Variants in ENTPD7 observed in about 807,000 individuals in gnomAD.
ENTPD7 encodes the protein NTPDase 7.
A neutral mutation model predicts 77.9 loss-of-function variants in ENTPD7; 53 were observed. The ratio of observed to expected loss-of-function variants is 0.68; its 90% confidence interval spans 0.55 to 0.85. The LOEUF is 0.85. Ranked by LOEUF, ENTPD7 falls within the 40% of genes least tolerant of loss-of-function variation. The pLI, the probability that ENTPD7 is intolerant of heterozygous loss-of-function variation, is 0.00. For synonymous variants in ENTPD7, 248 were observed against 274.9 expected (o/e 0.90, Z 0.97); for missense variants, 636 against 743.7 (o/e 0.86, Z 1.68).
chr10:99,679,275 T>G lies in ENTPD7; in HGVS notation c.206T>G (p.Val69Gly). ...GCCTGACTTAGGTATTTGGCTCGAG[T>G]AGGGGAGCTTGAAGCTACTGACACT... ...DRQYERYLAR[V>G]GELEATDTED... Residue 69 changes from valine (V) to glycine (G), a missense_variant, in exon 4 of 13, where the codon GTA becomes GGA. By Grantham distance (109) the Val-to-Gly change is moderately radical (BLOSUM62 -3). This residue lies in a region of ENTPD7 where 486 missense variants were observed against 556.5 expected (regional missense o/e 0.87). Transcript: ENST00000370489. The G allele has an allele frequency of 1.2e-6, 2 of 1,614,056 alleles. No homozygotes were observed. Among genetic ancestry groups the G allele is most frequent in the Non-Finnish European group, 1.7e-6 (2 of 1,179,986 alleles).
Position 99,667,396 on chromosome 10 carries a change from G to T in ENTPD7, c.191+5768G>T, listed in dbSNP as rs114858207. On this transcript the variant is annotated intron_variant, in intron 3 of 12. Coordinates refer to ENST00000370489, the MANE Select transcript of ENTPD7 (RefSeq NM_020354.5). ...ACTCAAGGAGTTCGTAATCTAGTTA[G>T]AGAGGCAGGCATAAAGGAAAAATTA... Among the ~76,000 whole-genome samples, 740 of 152,310 alleles carry T rather than the reference G, an allele frequency of 4.9e-3. 2 individuals carry two copies. The highest frequency in any genetic ancestry group is 0.017 in the African/African-American group (725 of 41,556).
At chr10:99,687,289 C>CA (rs1480800148) in intron 6 of ENTPD7, among the ~76,000 whole-genome samples, 9 of 4,356 alleles carry the variant, frequency 2.1e-3, no homozygotes, top group Non-Finnish European at 6.7e-4. Flanking sequence ...TTTTTTGAGA[C>CA]AGAGTCTCGC....
chr10:99,696,002 A>G lies in ENTPD7; in HGVS notation c.890A>G (p.Asp297Gly), dbSNP rs752609712. Residue 297 changes from aspartate (D) to glycine (G), a missense_variant, in exon 9 of 13, where the codon GAT becomes GGT. Asp to Gly is a moderately conservative substitution (Grantham distance 94). Around this residue, in one of 3 missense-constraint regions of ENTPD7, gnomAD observed 486 missense variants for 556.5 expected, o/e 0.87. Transcript: ENST00000370489. Reference protein sequence around the residue: ...ILLAEFNLGCDVQHTEHVYRV... With the variant: ...ILLAEFNLGCGVQHTEHVYRV... The stretch of plus-strand genomic sequence containing the variant: ...CTGGCTGAGTTCAACCTGGGCTGTG[A>G]TGTGCAACACACTGAACACGTGTAC... The G allele has an allele frequency of 6.2e-7, 1 of 1,614,118 alleles. No individual in the cohort carries two copies. Among genetic ancestry groups the G allele is most frequent in the Non-Finnish European group, 8.5e-7 (1 of 1,179,986 alleles).
intron 6 of ENTPD7, among the ~76,000 whole-genome samples, chr10:99,687,255 C>CTTTTTTTTT (rs1564631976): frequency 3.9e-5 from 1 of 25,554 alleles, no homozygotes; most frequent in Non-Finnish European, 8.0e-5. Context: ...TTCTTTCTTT[C>CTTTTTTTTT]TTTCTTTTTT....
chr10:99,705,291 T>C lies in ENTPD7; in HGVS notation c.*608T>C, dbSNP rs903337859. 25 of 155,216 alleles carry C rather than the reference T, an allele frequency of 1.6e-4. No individual in the cohort carries two copies. Among genetic ancestry groups the C allele is most frequent in the Admixed American group, 1.5e-3 (24 of 15,866 alleles). The allele number at this position is 155,216 out of a possible 1,614,324, so 9.6% of individuals were successfully genotyped here. On this transcript the variant is annotated 3_prime_UTR_variant, in exon 13 of 13. Coordinates refer to ENST00000370489, the MANE Select transcript of ENTPD7 (RefSeq NM_020354.5). ...AAGATCCCTGTCGTAGTGTTGATGA[T>C]GTTAGTACATGATTTTAAAGGTTAG...
In ENTPD7 at chr10:99,704,589, G is replaced by A. The variant is rs1013401025; in HGVS notation, c.1721G>A (p.Arg574Gln). 5 of 1,613,994 alleles carry A rather than the reference G, an allele frequency of 3.1e-6. No individual in the cohort carries two copies. Among genetic ancestry groups the A allele is most frequent in the East Asian group, 2.2e-5 (1 of 44,892 alleles). ...TTCCTATACCTTCTGCGGCTACGCC[G>A]AATTCACCACCGACAAACACGAGCC... Reference protein sequence around the residue: ...AIFLYLLRLRRIHHRQTRASA... With the variant: ...AIFLYLLRLRQIHHRQTRASA... Residue 574 changes from arginine to glutamine, a missense_variant, in exon 13 of 13, where the codon CGA becomes CAA. Arg to Gln is a conservative substitution (Grantham distance 43). This residue lies in a region of ENTPD7 where 138 missense variants were observed against 150.9 expected (regional missense o/e 0.91). Coordinates refer to ENST00000370489, the MANE Select transcript of ENTPD7 (RefSeq NM_020354.5).
At position 99,704,573 on chromosome 10, in the gene ENTPD7, C is replaced by T; in HGVS notation, c.1705C>T (p.Leu569Phe). Residue 569 changes from leucine (L) to phenylalanine (F), a missense_variant, in exon 13 of 13, where the codon CTT becomes TTT. Around this residue, in one of 3 missense-constraint regions of ENTPD7, gnomAD observed 138 missense variants for 150.9 expected, o/e 0.91. Coordinates refer to ENST00000370489, the MANE Select transcript of ENTPD7 (RefSeq NM_020354.5). Reference protein sequence around the residue: ...LVVLLAIFLYLLRLRRIHHRQ... With the variant: ...LVVLLAIFLYFLRLRRIHHRQ... ...GGTGCTACTGGCCATCTTCCTATAC[C>T]TTCTGCGGCTACGCCGAATTCACCA... 2 of 1,614,186 alleles carry T rather than the reference C, an allele frequency of 1.2e-6. No individual in the cohort carries two copies. Among genetic ancestry groups the T allele is most frequent in the South Asian group, 2.2e-5 (2 of 91,084 alleles).
intron 3 of ENTPD7, among the ~76,000 whole-genome samples, chr10:99,667,581 C>T (rs756696854): frequency 7.2e-5 from 11 of 152,190 alleles, no homozygotes; most frequent in Non-Finnish European, 1.2e-4. Context: ...AGTTCATGTG[C>T]TAAAAGCACC....
At position 99,706,132 on chromosome 10, in the gene ENTPD7, A is replaced by T. The variant is rs1003129883; in HGVS notation, c.*1449A>T. 6.6e-6 allele frequency: 1 copy of T among 152,200 alleles called. No homozygotes were observed. The highest frequency in any genetic ancestry group is 2.4e-5 in the African/African-American group (1 of 41,442). 9.4% of individuals were successfully genotyped at this position (152,200 alleles called of 1,614,324 possible). A position where few individuals can be genotyped will look rare whatever the true frequency, so the allele number is the denominator to read the frequency against. On this transcript the variant is annotated 3_prime_UTR_variant, in exon 13 of 13. Coordinates refer to ENST00000370489, the MANE Select transcript of ENTPD7 (RefSeq NM_020354.5). ...CTGGCTTTAAAGAAAACAAAAGTAGAATTCTTCAAAAATAAATTTCATACT... is the reference window on the plus strand; with the variant it reads ...CTGGCTTTAAAGAAAACAAAAGTAGTATTCTTCAAAAATAAATTTCATACT...
chr10:99,695,453 C>T (rs1337346111), intron 8 of ENTPD7, among the ~76,000 whole-genome samples: 1 of 151,404 alleles, frequency 6.6e-6, no homozygotes, highest in African/African-American at 2.4e-5. Flanking sequence ...ACCCGGGAGG[C>T]GGAGGTTGCA....
At chr10:99,666,832 A>G (rs2035556530) in intron 3 of ENTPD7, among the ~76,000 whole-genome samples, 1 of 152,220 alleles carries the variant, frequency 6.6e-6, no homozygotes, top group East Asian at 1.9e-4. Context: ...TGAAAGTGAA[A>G]AACAGAATGG....
chr10:99,685,062 A>G (rs1251879882), intron 5 of ENTPD7, among the ~76,000 whole-genome samples: 2 of 152,194 alleles, frequency 1.3e-5, no homozygotes, highest in Non-Finnish European at 2.9e-5. Flanking sequence ...GTTCGAGACC[A>G]GCCTGACTAA....
chr10:99,709,203 G>C lies in ENTPD7; in HGVS notation c.*4520G>C. On this transcript the variant is annotated 3_prime_UTR_variant, in exon 13 of 13. Coordinates refer to ENST00000370489, the MANE Select transcript of ENTPD7 (RefSeq NM_020354.5). The stretch of plus-strand genomic sequence containing the variant: ...TACATCTACCTCATTAAAGAACTTC[G>C]TTGTAATTCTTGGGCAGTTTCCAGA... 1 of 985,334 alleles carries C rather than the reference G, an allele frequency of 1.0e-6. No homozygotes were observed. Among genetic ancestry groups the C allele is most frequent in the Non-Finnish European group, 1.2e-6 (1 of 829,898 alleles). 61.0% of individuals were successfully genotyped at this position (985,334 alleles called of 1,614,324 possible). A position where few individuals can be genotyped will look rare whatever the true frequency, so the allele number is the denominator to read the frequency against.
At chr10:99,690,334 T>G (rs1326880594) in intron 7 of ENTPD7, among the ~76,000 whole-genome samples, 1 of 152,188 alleles carries the variant, frequency 6.6e-6, no homozygotes. Context: ...TCTAGGCCTT[T>G]CAGTGAACAC....
In ENTPD7 at chr10:99,691,441, A is replaced by T; in HGVS notation, c.766A>T (p.Ile256Leu). ...AGCAGGACGGAGAAGGACAGTAGGG[A>T]TACTGGATATGGGAGGAGCCTCTCT... ...LAAGRRRTVG[I>L]LDMGGASLQI... The change falls in exon 8 of 13, where the codon ATA (isoleucine) becomes TTA (leucine). Residue 256 changes from isoleucine to leucine, a missense_variant. Physicochemically the swap from Ile to Leu is conservative, Grantham distance 5. Coordinates refer to ENST00000370489, the MANE Select transcript of ENTPD7 (RefSeq NM_020354.5). 3 of 1,614,086 alleles carry T rather than the reference A, an allele frequency of 1.9e-6. No homozygotes were observed. Among genetic ancestry groups the T allele is most frequent in the Non-Finnish European group, 2.5e-6 (3 of 1,179,980 alleles).
Position 99,677,000 on chromosome 10 carries a change from A to G in ENTPD7, c.192-2261A>G, listed in dbSNP as rs548280312. 7.2e-5 allele frequency among the ~76,000 whole-genome samples: 11 copies of G among 152,314 alleles called. No homozygotes were observed. In the East Asian group the frequency reaches 2.1e-3, roughly 29 times the overall value. On this transcript the variant is annotated intron_variant, in intron 3 of 12. Coordinates refer to ENST00000370489, the MANE Select transcript of ENTPD7 (RefSeq NM_020354.5). ...TTTTTTATTTCAGAATTATTTCTAC[A>G]TGCACTTCTTTTTATCAAGTTTGCT...
intron 12 of ENTPD7, 85 bp downstream of exon 12, chr10:99,702,758 T>A (rs915350187): frequency 3.7e-5 from 48 of 1,308,370 alleles, no homozygotes; most frequent in Non-Finnish European, 4.3e-5. Context: ...TTTTTTTTTT[T>A]AACCAGCTTA....
chr10:99,710,724 A>T lies in ENTPD7; in HGVS notation c.*6041A>T. ...CCCAGGACCACAAGGGTAGCTGTAG[A>T]TAAACTGGTTATCCTAAAATCATGA... On this transcript the variant is annotated 3_prime_UTR_variant, in exon 13 of 13. Transcript: ENST00000370489. The T allele has an allele frequency of 1.0e-6, 1 of 985,436 alleles. No homozygotes were observed. The highest frequency in any genetic ancestry group is 1.2e-6 in the Non-Finnish European group (1 of 829,928). 61.0% of individuals were successfully genotyped at this position (985,436 alleles called of 1,614,324 possible). A position where few individuals can be genotyped will look rare whatever the true frequency, so the allele number is the denominator to read the frequency against.
intron 3 of ENTPD7, among the ~76,000 whole-genome samples, chr10:99,677,720 A>C (rs2035703140): frequency 6.6e-6 from 1 of 152,116 alleles, no homozygotes; most frequent in South Asian, 2.1e-4. Flanking sequence ...CTGAACTTTT[A>C]AGCCTTTTTC....
Sources: allele counts gnomAD v4.1 joint callset (sites outside exome capture counted in the v4.1 genomes callset), GRCh38; gene constraint gnomAD v4.1.1; regional missense constraint gnomAD v4.1.1; transcripts MANE v1.5; gene names NCBI Gene and HGNC (gene_info 2026-07-23, HGNC 2026-07-21).